PMP22: variants seen among roughly 807,000 people sequenced by gnomAD.
PMP22 encodes the protein Charcot-Marie-Tooth neuropathy 1A (greatly reduced nerve conduction velocity, hereditary motor sensory neuropathy Ia).
PMP22 carries 2 observed loss-of-function variants against 18.9 expected under a neutral mutation model. The observed-to-expected ratio is 0.11, with a 90% CI of 0.04 to 0.33. The LOEUF (loss-of-function observed/expected upper bound fraction) is 0.33. PMP22 is among the 10% of genes least tolerant of loss of function. PMP22 has a pLI of 1.00. For missense variants in PMP22, 169 were observed against 202.2 expected, an observed-to-expected ratio of 0.84 and a Z score of 1.00; for synonymous variants, 95 against 89.2, an observed-to-expected ratio of 1.07 and a Z score of -0.37.
At chr17:15,231,136 CTCT>C (rs1476257275) in intron 4 of PMP22, 56 bp from the exon 5 acceptor site, 1 of 1,548,304 alleles carries the variant, frequency 6.5e-7, no homozygotes. Context: ...GAGCGGCCCC[CTCT>C]CCGCCACCCC....
At chr17:15,264,799 G>A (rs957631080) in intron 1 of PMP22, among the ~76,000 whole-genome samples, 3 of 152,150 alleles carry the variant, frequency 2.0e-5, no homozygotes, top group African/African-American at 7.2e-5. Context: ...CCAAGGCTCT[G>A]CCACAGGTGG....
In PMP22 at chr17:15,258,754, C is replaced by T. The variant is rs538324393; in HGVS notation, c.178+340G>A. ...CAAAGATACACGTTTGATCCAATGT[C>T]CCAAGGGGGTCTGCCAAAGGCTTAG... On this transcript the variant is annotated intron_variant, in intron 3 of 4. Coordinates refer to ENST00000312280, the MANE Select transcript of PMP22 (RefSeq NM_000304.4). This position sits in a 1 kb window ranked among gnomAD's most constrained non-coding sequence, Gnocchi z 4.1. The T allele has an allele frequency of 3.1e-4, 115 of 374,528 alleles. No homozygotes were observed. The highest frequency in any genetic ancestry group is 2.3e-3 in the African/African-American group (108 of 47,730). The allele number at this position is 374,528 out of a possible 1,614,324, so 23.2% of individuals were successfully genotyped here. A position where few individuals can be genotyped will look rare whatever the true frequency, so the allele number is the denominator to read the frequency against.
At chr17:15,260,286 A>C in intron 2 of PMP22, 1 of 307,962 alleles carries the variant, frequency 3.2e-6, no homozygotes, top group Non-Finnish European at 6.3e-6. Context: ...CCATCTGACT[A>C]TGGTTTGGAG....
intron 3 of PMP22, among the ~76,000 whole-genome samples, chr17:15,248,240 T>C (rs775536801): frequency 6.6e-5 from 10 of 152,174 alleles, no homozygotes; most frequent in Non-Finnish European, 1.2e-4. Context: ...GAGACAACTA[T>C]GTGCCAGCAT....
rs765955811 is a variant in PMP22, at chr17:15,230,596, CA to C, written c.*320del. The C allele has an allele frequency of 4.2e-5, 12 of 288,296 alleles. No homozygotes were observed. Among genetic ancestry groups the C allele is most frequent in the Non-Finnish European group, 8.0e-5 (12 of 150,924 alleles). The allele number at this position is 288,296 out of a possible 1,614,324, so 17.9% of individuals were successfully genotyped here. ...CAAAACAAACAAACAAAAAACAAAA[CA>C]AAAATACTGAGCTGGATTATACTGT... On this transcript the variant is annotated 3_prime_UTR_variant, in exon 5 of 5. Coordinates refer to ENST00000312280, the MANE Select transcript of PMP22 (RefSeq NM_000304.4).
At chr17:15,244,646 G>T (rs1314886170) in intron 3 of PMP22, among the ~76,000 whole-genome samples, 1 of 152,090 alleles carries the variant, frequency 6.6e-6, no homozygotes, top group Non-Finnish European at 1.5e-5. Flanking sequence ...TCTTTGAAAG[G>T]TCTCCAAGAC....
chr17:15,230,697 AC>A lies in PMP22; in HGVS notation c.*219del. On this transcript the variant is annotated 3_prime_UTR_variant, in exon 5 of 5. Transcript: ENST00000312280. ...ATGGTCAACATAAAAAGCAAACAAT[AC>A]TATGTACATATATGTAAAAAGTGTT... 1.7e-6 allele frequency: 1 copy of A among 579,450 alleles called. No individual in the cohort carries two copies. Among genetic ancestry groups the A allele is most frequent in the Non-Finnish European group, 3.1e-6 (1 of 325,814 alleles). The allele number at this position is 579,450 out of a possible 1,614,324, so 35.9% of individuals were successfully genotyped here.
At chr17:15,237,481 C>T (rs1348226911) in intron 4 of PMP22, among the ~76,000 whole-genome samples, 1 of 152,212 alleles carries the variant, frequency 6.6e-6, no homozygotes, top group Non-Finnish European at 1.5e-5. Context: ...GGCTTGTATT[C>T]ATCACAGATG....
chr17:15,259,711 G>A (rs1397534561), intron 2 of PMP22, among the ~76,000 whole-genome samples: 1 of 151,806 alleles, frequency 6.6e-6, no homozygotes, highest in Non-Finnish European at 1.5e-5. Context: ...GGAGGCAGAG[G>A]TGGGCGGATC....
rs1376336053 is a variant in PMP22, at chr17:15,230,082, T to C, written c.*835A>G. 6.6e-6 allele frequency: 1 copy of C among 152,604 alleles called. No homozygotes were observed. Among genetic ancestry groups the C allele is most frequent in the African/African-American group, 2.4e-5 (1 of 41,438 alleles). 9.5% of individuals were successfully genotyped at this position (152,604 alleles called of 1,614,324 possible). On this transcript the variant is annotated 3_prime_UTR_variant, in exon 5 of 5. Coordinates refer to ENST00000312280, the MANE Select transcript of PMP22 (RefSeq NM_000304.4). ...TATGATTTACTCATTATAGTAATAA[T>C]AGCAGCCTAGCTAGGTACAAAAGCA...
chr17:15,237,207 G>A (rs1167093779), intron 4 of PMP22, among the ~76,000 whole-genome samples: 1 of 152,226 alleles, frequency 6.6e-6, no homozygotes, highest in East Asian at 1.9e-4. Flanking sequence ...ATACCTAGGA[G>A]AAGAGTGTTT....
intron 3 of PMP22, 26 bp downstream of exon 3, chr17:15,259,068 C>T (rs1260668204): frequency 8.5e-6 from 13 of 1,525,874 alleles, no homozygotes; most frequent in Non-Finnish European, 1.2e-5. Context: ...TGAGGACAAG[C>T]TCATGGAGCA....
chr17:15,232,135 C>A (rs535349975), intron 4 of PMP22, among the ~76,000 whole-genome samples: 1 of 152,050 alleles, frequency 6.6e-6, no homozygotes, highest in Non-Finnish European at 1.5e-5. Flanking sequence ...CGCGCCCCCC[C>A]ACCGCCCGGC....
chr17:15,256,279 ATG>A, intron 3 of PMP22, among the ~76,000 whole-genome samples: 1 of 152,186 alleles, frequency 6.6e-6, no homozygotes, highest in Admixed American at 6.5e-5. Flanking sequence ...AGAAAACAAC[ATG>A]AGTGGCAACC....
intron 3 of PMP22, among the ~76,000 whole-genome samples, chr17:15,242,778 C>A (rs1178545227): frequency 1.3e-5 from 2 of 152,088 alleles, no homozygotes; most frequent in Non-Finnish European, 2.9e-5. Flanking sequence ...CATGGGACAG[C>A]TTTTCAAACT....
At chr17:15,257,231 CAACT>C (rs1266531296) in intron 3 of PMP22, among the ~76,000 whole-genome samples, 1 of 152,194 alleles carries the variant, frequency 6.6e-6, no homozygotes, top group African/African-American at 2.4e-5. Flanking sequence ...CTTCTAGCAC[CAACT>C]GACAGCTATT....
intron 3 of PMP22, among the ~76,000 whole-genome samples, chr17:15,242,961 T>C (rs1907479918): frequency 6.6e-6 from 1 of 151,864 alleles, no homozygotes; most frequent in Non-Finnish European, 1.5e-5. Context: ...AAAAACAAGA[T>C]GAAAAGTAAA....
intron 4 of PMP22, among the ~76,000 whole-genome samples, chr17:15,234,961 C>T (rs934115685): frequency 5.9e-5 from 9 of 152,082 alleles, no homozygotes; most frequent in South Asian, 2.1e-4. Flanking sequence ...GGACCACAGG[C>T]GTGCTCCAAG....
rs1597632523 is a variant in PMP22 at position 15,258,929 on chromosome 17, C to A, written c.178+165G>T. 4 of 687,628 alleles carry A rather than the reference C, an allele frequency of 5.8e-6. No homozygotes were observed. The highest frequency in any genetic ancestry group is 1.5e-5 in the South Asian group (1 of 64,626). The allele number at this position is 687,628 out of a possible 1,614,324, so 42.6% of individuals were successfully genotyped here. A position where few individuals can be genotyped will look rare whatever the true frequency, so the allele number is the denominator to read the frequency against. ...GATCTCAGCTTCCCCAGCGAGATCA[C>A]CACCCCTCCCATTTTCCCTGGACTC... On this transcript the variant is annotated intron_variant, in intron 3 of 4. Coordinates refer to ENST00000312280, the MANE Select transcript of PMP22 (RefSeq NM_000304.4). The surrounding 1 kb of genome is among the most constrained non-coding windows in gnomAD (Gnocchi z 4.1).
Sources: allele counts gnomAD v4.1 joint callset (sites outside exome capture counted in the v4.1 genomes callset), GRCh38; gene constraint gnomAD v4.1.1; non-coding constraint Gnocchi (gnomAD v3.1); transcripts MANE v1.5; gene names NCBI Gene and HGNC (gene_info 2026-07-23, HGNC 2026-07-21).